Variants in SDK2 observed in about 807,000 individuals in gnomAD.
SDK2 encodes sidekick cell adhesion molecule 2.
SDK2 carries 105 observed loss-of-function variants against 253.9 expected under a neutral mutation model. The observed-to-expected ratio is 0.41, with a 90% CI of 0.35 to 0.49. SDK2 has a LOEUF of 0.49. Ranked by LOEUF, SDK2 falls within the 20% of genes least tolerant of loss-of-function variation. The pLI is 0.06. For synonymous variants in SDK2, 1,249 were observed against 1,234.9 expected, an observed-to-expected ratio of 1.01 and a Z score of -0.24; for missense variants, 2,608 against 3,003.0, an observed-to-expected ratio of 0.87 and a Z score of 3.07.
At position 73,419,293 on chromosome 17, in the gene SDK2, C is replaced by G; in HGVS notation, c.2059G>C (p.Glu687Gln). 1 of 1,612,184 alleles carries G rather than the reference C, an allele frequency of 6.2e-7. No individual in the cohort carries two copies. Among genetic ancestry groups the G allele is most frequent in the Admixed American group, 1.7e-5 (1 of 59,862 alleles). The stretch of plus-strand genomic sequence containing the variant: ...TGTGGAGGGGCCGTGGGGGGCTCCT[C>G]GGGGAGGGAGACCCTGGATCACAAA... ...SKDTERVSLP[E>Q]EPPTAPPQNV... The change falls in exon 16 of 45, where the codon GAG (glutamate) becomes CAG (glutamine). Residue 687 changes from glutamate to glutamine, a missense_variant. Around this residue, in one of 2 missense-constraint regions of SDK2, gnomAD observed 1,505 missense variants for 1,859.1 expected, o/e 0.81. Transcript: ENST00000392650.
chr17:73,417,241 TAA>T (rs112364858), intron 16 of SDK2, among the ~76,000 whole-genome samples: 1 of 141,004 alleles, frequency 7.1e-6, no homozygotes. Flanking sequence ...TTGTCTCTAC[TAA>T]AAAAAAAAAA....
intron 2 of SDK2, among the ~76,000 whole-genome samples, chr17:73,478,239 C>A (rs971943883): frequency 1.3e-5 from 2 of 152,192 alleles, no homozygotes; most frequent in Admixed American, 1.3e-4. Flanking sequence ...CTGCTCCTTG[C>A]TTTGTGCAAG....
chr17:73,400,978 C>A (rs1490825994), intron 21 of SDK2, 42 bp downstream of exon 21: 17 of 1,529,056 alleles, frequency 1.1e-5, no homozygotes, highest in Non-Finnish European at 1.5e-5. Context: ...GGACGCTGCT[C>A]AGGAGAACTC....
chr17:73,573,188 A>G (rs1230442848), intron 1 of SDK2, among the ~76,000 whole-genome samples: 1 of 152,220 alleles, frequency 6.6e-6, no homozygotes, highest in East Asian at 1.9e-4. Flanking sequence ...CTCTGCAGAG[A>G]ACACACTCTG....
chr17:73,482,306 T>C (rs943983169), intron 2 of SDK2, among the ~76,000 whole-genome samples: 2 of 150,676 alleles, frequency 1.3e-5, no homozygotes, highest in Non-Finnish European at 2.9e-5. Context: ...CTGTCTCCTG[T>C]TGGTTCTGGT....
intron 36 of SDK2, among the ~76,000 whole-genome samples, chr17:73,375,511 C>G (rs77362929): frequency 6.6e-6 from 1 of 151,972 alleles, no homozygotes; most frequent in South Asian, 2.1e-4. Flanking sequence ...CCTTTCAAAG[C>G]GCCAGGATTA....
intron 1 of SDK2, among the ~76,000 whole-genome samples, chr17:73,625,655 CTTTTTT>C (rs1247530333): frequency 6.6e-6 from 1 of 151,736 alleles, no homozygotes; most frequent in East Asian, 1.9e-4. Flanking sequence ...TTTTCTTTTT[CTTTTTT>C]TGAGAGAGAG....
chr17:73,451,671 C>G (rs1005373728), intron 4 of SDK2, among the ~76,000 whole-genome samples: 22 of 152,126 alleles, frequency 1.4e-4, no homozygotes, highest in Non-Finnish European at 4.4e-5. Context: ...CAGAGTGGAA[C>G]AGGAGGCAGA....
intron 1 of SDK2, among the ~76,000 whole-genome samples, chr17:73,566,200 T>TC (rs1375819689): frequency 6.6e-6 from 1 of 152,116 alleles, no homozygotes; most frequent in Non-Finnish European, 1.5e-5. Context: ...ACATCTGCTC[T>TC]CCCCTTCAAC....
chr17:73,405,994 A>C (rs974776043), intron 18 of SDK2, among the ~76,000 whole-genome samples: 2 of 152,074 alleles, frequency 1.3e-5, no homozygotes, highest in African/African-American at 4.8e-5. Flanking sequence ...AAGTGCTGGG[A>C]TTACAGGCAT....
chr17:73,610,085 G>A (rs554168602), intron 1 of SDK2, among the ~76,000 whole-genome samples: 4 of 152,250 alleles, frequency 2.6e-5, no homozygotes, highest in South Asian at 2.1e-4. Context: ...TCTCCTCCAC[G>A]TCCCTGGGGA....
At chr17:73,392,200 G>A (rs935692773) in intron 27 of SDK2, among the ~76,000 whole-genome samples, 1 of 71,190 alleles carries the variant, frequency 1.4e-5, no homozygotes, top group African/African-American at 6.2e-5. Flanking sequence ...GGGTGGGGGA[G>A]GGTAGCTGGG....
At chr17:73,438,633 GACAGACAGA>G (rs1239613734) in intron 6 of SDK2, among the ~76,000 whole-genome samples, 2 of 144,878 alleles carry the variant, frequency 1.4e-5, no homozygotes, top group African/African-American at 5.7e-5. Context: ...GGGCAGACAA[GACAGACAGA>G]CAGACAGACA....
At chr17:73,527,355 G>A (rs2064134021) in intron 1 of SDK2, among the ~76,000 whole-genome samples, 1 of 152,202 alleles carries the variant, frequency 6.6e-6, no homozygotes, top group Non-Finnish European at 1.5e-5. Context: ...ATGACAGTGG[G>A]AATGCATAAT....
intron 1 of SDK2, among the ~76,000 whole-genome samples, chr17:73,544,242 A>G (rs566694932): frequency 2.6e-5 from 4 of 152,350 alleles, no homozygotes; most frequent in Non-Finnish European, 1.5e-5. Flanking sequence ...CTCAGGTTGC[A>G]GCTTCAGTGA....
rs377293977 is a variant in SDK2 at position 73,628,012 on chromosome 17, A to G, written c.64+16013T>C. Among the ~76,000 whole-genome samples the G allele has an allele frequency of 2.0e-3, 305 of 152,362 alleles. 3 individuals are homozygous for G. The highest frequency in any genetic ancestry group is 0.02 in the South Asian group (95 of 4,832). The stretch of plus-strand genomic sequence containing the variant: ...GCTTGCAGTGAGCCGAGATCGTGCC[A>G]CTGCACTCCAGCCTGGGCGACAGAG... On this transcript the variant is annotated intron_variant, in intron 1 of 44. Coordinates refer to ENST00000392650, the MANE Select transcript of SDK2 (RefSeq NM_001144952.2).
Position 73,604,397 on chromosome 17 carries a change from G to A in SDK2, c.64+39628C>T, listed in dbSNP as rs186852144. On this transcript the variant is annotated intron_variant, in intron 1 of 44. Transcript: ENST00000392650. ...GGCACAGGGAAGGGACCTGGCACTC[G>A]GGATACCCCTGGTTTGCCAGGGAAG... Among the ~76,000 whole-genome samples, 87 of 152,338 alleles carry A rather than the reference G, an allele frequency of 5.7e-4. 2 individuals are homozygous for A. The East Asian group carries it at 0.012, about 21-fold the overall frequency.
At position 73,437,838 on chromosome 17, in the gene SDK2, C is replaced by CT. The variant is rs2063382066; in HGVS notation, c.917-17_917-16insA. 2 of 1,613,312 alleles carry CT rather than the reference C, an allele frequency of 1.2e-6. No homozygotes were observed. The highest frequency in any genetic ancestry group is 1.7e-6 in the Non-Finnish European group (2 of 1,179,422). On this transcript the variant is annotated splice_polypyrimidine_tract_variant and intron_variant, in intron 7 of 44. Transcript: ENST00000392650. The stretch of plus-strand genomic sequence containing the variant: ...TGAGGCGGTTCTGCAGGAGGAAGGA[C>CT]CAGGGGAGGGGGTCAGAGCCATGCT...
At chr17:73,417,555 G>T (rs1214788940) in intron 16 of SDK2, among the ~76,000 whole-genome samples, 30 of 152,156 alleles carry the variant, frequency 2.0e-4, no homozygotes, top group Admixed American at 2.0e-3. Context: ...AGGTCTAGGG[G>T]ATGTGTCTGG....
Sources: allele counts gnomAD v4.1 joint callset (sites outside exome capture counted in the v4.1 genomes callset), GRCh38; gene constraint gnomAD v4.1.1; regional missense constraint gnomAD v4.1.1; transcripts MANE v1.5; gene names NCBI Gene and HGNC (gene_info 2026-07-23, HGNC 2026-07-21).